Variants in FKBP5 observed in about 807,000 individuals in gnomAD.
The protein encoded by FKBP5 is FKBP prolyl isomerase 5, also known as peptidyl-prolyl cis-trans isomerase FKBP5.
In FKBP5, 23 loss-of-function variants were observed where a neutral mutation model predicts 50.5. The observed-to-expected ratio is 0.46, with a 90% confidence interval of 0.33 to 0.65. The LOEUF (loss-of-function observed/expected upper bound fraction) is 0.65, where lower values mean the gene tolerates loss of function less well. Among genes scored for constraint, FKBP5 ranks in the 30% least tolerant of loss-of-function variants. The pLI, the probability that FKBP5 is intolerant of heterozygous loss-of-function variation, is 0.02. For missense variants in FKBP5, 411 were observed against 553.1 expected, an observed-to-expected ratio of 0.74 and a Z score of 2.58; for synonymous variants, 176 against 190.6, an observed-to-expected ratio of 0.92 and a Z score of 0.63.
intron 5 of FKBP5, 65 bp from the exon 6 acceptor site, chr6:35,597,469 GATAA>G: frequency 6.5e-7 from 1 of 1,526,808 alleles, no homozygotes; most frequent in East Asian, 2.3e-5. Flanking sequence ...TCAGTGAAGT[GATAA>G]ATGAGTGGTC....
chr6:35,623,633 G>C (rs768142355), intron 3 of FKBP5, among the ~76,000 whole-genome samples: 17 of 151,774 alleles, frequency 1.1e-4, no homozygotes, highest in South Asian at 6.2e-4. Context: ...GCAATGATGT[G>C]AGTATAGCTT....
At chr6:35,590,042 A>G (rs535266218) in intron 7 of FKBP5, among the ~76,000 whole-genome samples, 2 of 152,348 alleles carry the variant, frequency 1.3e-5, no homozygotes, top group South Asian at 4.1e-4. Context: ...TCACCCCTAC[A>G]ATCCCAGCAC....
chr6:35,615,155 TACACAC>T (rs34301531), intron 5 of FKBP5, among the ~76,000 whole-genome samples: 1,667 of 143,524 alleles, frequency 0.012, 14 homozygotes, highest in African/African-American at 0.026. Context: ...CAACAACAAC[TACACAC>T]ACACACACAC....
At chr6:35,593,199 A>G (rs1315760840) in intron 6 of FKBP5, among the ~76,000 whole-genome samples, 2 of 152,206 alleles carry the variant, frequency 1.3e-5, no homozygotes, top group African/African-American at 4.8e-5. Flanking sequence ...TGACTGAAAA[A>G]CAAAACACCA....
At chr6:35,716,900 G>A (rs1419067283) in intron 2 of FKBP5, among the ~76,000 whole-genome samples, 1 of 152,226 alleles carries the variant, frequency 6.6e-6, no homozygotes, top group Non-Finnish European at 1.5e-5. Context: ...CCTCCCCACA[G>A]GGGAGAGCAT....
chr6:35,633,797 A>C lies in FKBP5; in HGVS notation c.250+3217T>G, dbSNP rs548504335. On this transcript the variant is annotated intron_variant, in intron 3 of 10. Coordinates refer to ENST00000357266, the MANE Select transcript of FKBP5 (RefSeq NM_004117.4). ...AAGAATGGAATCACATAAGCTCTCC[A>C]CAGACTTCTTTTTACAGAAGCAGGT... is the stretch of plus-strand genomic sequence containing the variant. Among the ~76,000 whole-genome samples, 201 of 152,208 alleles carry C rather than the reference A, an allele frequency of 1.3e-3. 1 individual carries two copies. Among genetic ancestry groups the C allele is most frequent in the Non-Finnish European group, 2.1e-3 (142 of 68,010 alleles).
rs571621228 is a variant in FKBP5, at chr6:35,704,879, C to T, written c.-20+15449G>A. ...TCTGCTGGCCGGGCGCGGTGGCTCACACCTGTAATCCCAGCACTTTGGGAG... is the reference window on the plus strand; with the variant it reads ...TCTGCTGGCCGGGCGCGGTGGCTCATACCTGTAATCCCAGCACTTTGGGAG... On this transcript the variant is annotated intron_variant, in intron 2 of 11. Transcript: ENST00000536438. Among the ~76,000 whole-genome samples the T allele has an allele frequency of 2.0e-5, 3 of 151,884 alleles. No homozygotes were observed. In the South Asian group the frequency reaches 6.2e-4, roughly 32 times the overall value.
intron 1 of FKBP5, among the ~76,000 whole-genome samples, chr6:35,650,176 G>A (rs1179931796): frequency 6.6e-6 from 1 of 151,514 alleles, no homozygotes; most frequent in Non-Finnish European, 1.5e-5. Context: ...AGTGAGACCC[G>A]ATCTCTGCTA....
intron 5 of FKBP5, among the ~76,000 whole-genome samples, chr6:35,599,012 G>T (rs1018102703): frequency 6.6e-6 from 1 of 151,576 alleles, no homozygotes; most frequent in Non-Finnish European, 1.5e-5. Flanking sequence ...AAATAAAAAA[G>T]AAAGAAAATC....
intron 2 of FKBP5, among the ~76,000 whole-genome samples, chr6:35,695,250 G>A (rs917565765): frequency 6.6e-6 from 1 of 152,132 alleles, no homozygotes; most frequent in African/African-American, 2.4e-5. Flanking sequence ...TGCAACCTCC[G>A]CCTCCTGGGT....
At chr6:35,610,244 C>T (rs943387739) in intron 5 of FKBP5, among the ~76,000 whole-genome samples, 1 of 152,116 alleles carries the variant, frequency 6.6e-6, no homozygotes, top group African/African-American at 2.4e-5. Flanking sequence ...GCTGTCTTTA[C>T]ACTTTTTTCC....
At chr6:35,702,753 T>C (rs909248449) in intron 2 of FKBP5, among the ~76,000 whole-genome samples, 2 of 151,938 alleles carry the variant, frequency 1.3e-5, no homozygotes, top group South Asian at 2.1e-4. Context: ...CGCCCAGCCA[T>C]ATAAACTGAT....
At chr6:35,706,199 A>G (rs1766310484) in intron 2 of FKBP5, among the ~76,000 whole-genome samples, 1 of 152,116 alleles carries the variant, frequency 6.6e-6, no homozygotes, top group Admixed American at 6.6e-5. Context: ...CGAGACGGGC[A>G]GATCACCTGA....
chr6:35,688,958 G>C (rs919941429), upstream of FKBP5: 7 of 151,338 alleles, frequency 4.6e-5, no homozygotes, highest in African/African-American at 1.7e-4. Flanking sequence ...GGCAGCGCCC[G>C]GCGCCGTCCC....
intron 7 of FKBP5, among the ~76,000 whole-genome samples, chr6:35,589,092 T>TTATATATATATATATTTA (rs1318295361): frequency 2.3e-4 from 31 of 135,958 alleles, no homozygotes; most frequent in African/African-American, 8.7e-4. Context: ...ATATATATTT[T>TTATATATATATATATTTA]TATATATATA....
At chr6:35,682,120 A>C (rs1236697957) in intron 1 of FKBP5, among the ~76,000 whole-genome samples, 1 of 128,572 alleles carries the variant, frequency 7.8e-6, no homozygotes, top group Non-Finnish European at 1.5e-5. Flanking sequence ...CCTCCAAGCT[A>C]GAATTTCAAA....
At position 35,661,284 on chromosome 6, in the gene FKBP5, C is replaced by T. The variant is rs1356260388; in HGVS notation, c.-19-18441G>A. On this transcript the variant is annotated intron_variant, in intron 1 of 10. Transcript: ENST00000357266. ...GATTACAGGCATGAGCCACCACACC[C>T]GGCCTGAATTGTACACTTTAAAGGG... 2.4e-5 allele frequency among the ~76,000 whole-genome samples: 2 copies of T among 82,640 alleles called. 1 individual carries two copies. The highest frequency in any genetic ancestry group is 5.5e-5 in the Non-Finnish European group (2 of 36,148). 54.2% of individuals were successfully genotyped at this position (82,640 alleles called of 152,430 possible).
intron 1 of FKBP5, among the ~76,000 whole-genome samples, chr6:35,647,409 A>G (rs1325620078): frequency 1.3e-5 from 2 of 152,226 alleles, no homozygotes; most frequent in African/African-American, 4.8e-5. Flanking sequence ...ATGACAAGAA[A>G]AAGTTTTTAA....
intron 9 of FKBP5, among the ~76,000 whole-genome samples, chr6:35,579,308 G>A (rs1762347192): frequency 6.6e-6 from 1 of 152,096 alleles, no homozygotes; most frequent in African/African-American, 2.4e-5. Context: ...GTACAAAATA[G>A]TTGCCTTGCT....
Sources: allele counts gnomAD v4.1 joint callset (sites outside exome capture counted in the v4.1 genomes callset), GRCh38; gene constraint gnomAD v4.1.1; transcripts MANE v1.5; gene names NCBI Gene and HGNC (gene_info 2026-07-23, HGNC 2026-07-21).